The following ROBO2 variants were observed in gnomAD, a reference collection of about 807,000 sequenced individuals.
The protein encoded by ROBO2 is roundabout guidance receptor 2, also known as roundabout homolog 2.
A neutral mutation model predicts 160.8 loss-of-function variants in ROBO2; 53 were observed. That is an observed-to-expected ratio of 0.33 (90% CI 0.26 to 0.41). ROBO2 has a LOEUF of 0.41. Among genes scored for constraint, ROBO2 ranks in the 10% least tolerant of loss-of-function variants. ROBO2 has a pLI of 1.00. For synonymous variants in ROBO2, 664 were observed against 611.7 expected (o/e 1.09, Z -1.26); for missense variants, 1,577 against 1,722.4 (o/e 0.92, Z 1.49).
intron 2 of ROBO2, among the ~76,000 whole-genome samples, chr3:76,289,048 T>C (rs929431137): frequency 6.6e-6 from 1 of 152,176 alleles, no homozygotes; most frequent in Admixed American, 6.5e-5. Flanking sequence ...AGTTGTGTTT[T>C]AAGATCTTTA....
chr3:75,925,158 C>T (rs1947237535), intron 1 of ROBO2, among the ~76,000 whole-genome samples: 1 of 151,814 alleles, frequency 6.6e-6, no homozygotes. Context: ...TTTGGGAGGC[C>T]GGGGCAGACG....
Position 76,956,556 on chromosome 3 carries a change from CA to C in ROBO2, c.110-141443del, listed in dbSNP as rs11369735. Among the ~76,000 whole-genome samples the C allele has an allele frequency of 2.7e-3, 282 of 106,190 alleles. 1 individual carries two copies. Among genetic ancestry groups the C allele is most frequent in the Middle Eastern group, 6.3e-3 (1 of 160 alleles). The allele number at this position is 106,190 out of a possible 152,430, so 69.7% of individuals were successfully genotyped here. On this transcript the variant is annotated intron_variant, in intron 2 of 26. Coordinates refer to the ROBO2 transcript ENST00000487694. ...TGGGCGACAGAGCGAGACTCTGTCT[CA>C]AAAAAAAAAAAAAAGAAAAAGAAGC...
chr3:76,419,505 C>G (rs2075900968), intron 2 of ROBO2, among the ~76,000 whole-genome samples: 2 of 151,766 alleles, frequency 1.3e-5, no homozygotes, highest in Non-Finnish European at 2.9e-5. Context: ...GTTTTATCAC[C>G]TGAACTACTT....
At chr3:76,370,231 T>C (rs2108473323) in intron 2 of ROBO2, among the ~76,000 whole-genome samples, 1 of 151,956 alleles carries the variant, frequency 6.6e-6, no homozygotes, top group South Asian at 2.1e-4. Context: ...AGATAATGCA[T>C]TGTGGGCCAA....
intron 2 of ROBO2, among the ~76,000 whole-genome samples, chr3:77,292,636 G>T: frequency 6.6e-6 from 1 of 150,812 alleles, no homozygotes; most frequent in Admixed American, 6.6e-5. Context: ...TAAACAGGAA[G>T]TTGAGGCTAG....
chr3:77,438,302 G>A (rs2079532109), intron 2 of ROBO2, among the ~76,000 whole-genome samples: 1 of 151,848 alleles, frequency 6.6e-6, no homozygotes, highest in Non-Finnish European at 1.5e-5. Flanking sequence ...ACAGCAACAA[G>A]ACATCCAAAG....
chr3:76,987,998 G>A (rs2060476882), intron 2 of ROBO2, among the ~76,000 whole-genome samples: 1 of 151,856 alleles, frequency 6.6e-6, no homozygotes, highest in Admixed American at 6.6e-5. Flanking sequence ...TTGAAAATTA[G>A]ACATTTCTTA....
At chr3:77,305,682 C>T (rs746477677) in intron 2 of ROBO2, among the ~76,000 whole-genome samples, 4 of 152,158 alleles carry the variant, frequency 2.6e-5, no homozygotes, top group East Asian at 1.9e-4. Flanking sequence ...AGTTCTGCAC[C>T]GATTTTGTCA....
intron 2 of ROBO2, among the ~76,000 whole-genome samples, chr3:76,176,624 T>C (rs1168567781): frequency 6.6e-6 from 1 of 152,156 alleles, no homozygotes; most frequent in Non-Finnish European, 1.5e-5. Context: ...GAGGAAGATA[T>C]TAGGTTCCTC....
At chr3:76,240,203 A>G (rs1004144950) in intron 2 of ROBO2, among the ~76,000 whole-genome samples, 2 of 152,034 alleles carry the variant, frequency 1.3e-5, no homozygotes, top group African/African-American at 4.8e-5. Context: ...ACATAGGTAT[A>G]CACTTCCCAT....
At chr3:77,605,543 C>G (rs1583235238) in intron 20 of ROBO2, among the ~76,000 whole-genome samples, 1 of 152,156 alleles carries the variant, frequency 6.6e-6, no homozygotes. Context: ...ATAGAAAGCC[C>G]TCACATATTT....
chr3:76,997,671 A>G (rs2061097690), intron 2 of ROBO2, among the ~76,000 whole-genome samples: 1 of 152,216 alleles, frequency 6.6e-6, no homozygotes, highest in African/African-American at 2.4e-5. Flanking sequence ...AGAAGATCGT[A>G]TAAGTTGAGC....
chr3:76,560,649 A>C (rs2084114220), intron 2 of ROBO2, among the ~76,000 whole-genome samples: 1 of 150,244 alleles, frequency 6.7e-6, no homozygotes, highest in Admixed American at 6.6e-5. Flanking sequence ...AAGAAAACTC[A>C]CATTACTGAC....
intron 2 of ROBO2, among the ~76,000 whole-genome samples, chr3:76,995,490 G>A (rs2060945940): frequency 1.3e-5 from 2 of 152,052 alleles, no homozygotes; most frequent in Admixed American, 1.3e-4. Flanking sequence ...TGGGTCAAAT[G>A]GTATTTCTAG....
chr3:76,516,384 G>T (rs2081347753), intron 2 of ROBO2, among the ~76,000 whole-genome samples: 1 of 152,126 alleles, frequency 6.6e-6, no homozygotes, highest in South Asian at 2.1e-4. Context: ...ACAGCTTTCA[G>T]AGCTTCCACA....
chr3:76,789,898 C>T (rs1404496751), intron 2 of ROBO2, among the ~76,000 whole-genome samples: 2 of 151,616 alleles, frequency 1.3e-5, no homozygotes, highest in African/African-American at 4.8e-5. Flanking sequence ...TCTCCCAATT[C>T]TATAATTTGG....
chr3:77,154,754 T>C (rs2077843240), intron 2 of ROBO2, among the ~76,000 whole-genome samples: 1 of 151,946 alleles, frequency 6.6e-6, no homozygotes, highest in Non-Finnish European at 1.5e-5. Context: ...CTTAAGTGGA[T>C]CATGGCAGGA....
At chr3:76,768,940 G>C (rs1052248875) in intron 2 of ROBO2, among the ~76,000 whole-genome samples, 1 of 151,398 alleles carries the variant, frequency 6.6e-6, no homozygotes, top group African/African-American at 2.4e-5. Flanking sequence ...TTGAACAAAA[G>C]TACAATCTTT....
rs146398799 is a variant in ROBO2, at chr3:77,183,656, G to A, written c.388+85316G>A. Among the ~76,000 whole-genome samples the A allele has an allele frequency of 3.4e-3, 511 of 152,120 alleles. 2 individuals are homozygous for A. The highest frequency in any genetic ancestry group is 0.011 in the South Asian group (53 of 4,828). ...TTCTTTTGTGTCGGCCACCCAGAAT[G>A]TGGTATTGTGTTATGGCATCCCCAG... On this transcript the variant is annotated intron_variant, in intron 2 of 25. Coordinates refer to ENST00000461745, the Ensembl canonical transcript of ROBO2.
Sources: gnomAD v4.1 joint callset for allele counts (sites outside exome capture counted in the v4.1 genomes callset) on GRCh38, gnomAD v4.1.1 for gene constraint, MANE v1.5 for transcripts, NCBI Gene and HGNC (gene_info 2026-07-23, HGNC 2026-07-21) for gene names.